The following TMBIM4 variants were observed in gnomAD, a reference collection of about 807,000 sequenced individuals.
The protein encoded by TMBIM4 is protein lifeguard 4.
In TMBIM4, 28 loss-of-function variants were observed where a neutral mutation model predicts 27.7. The observed-to-expected ratio is 1.01, with a 90% CI of 0.75 to 1.38. The LOEUF is 1.38. TMBIM4 is among the 40% of genes most tolerant of loss of function. TMBIM4 has a pLI of 0.00. For missense variants in TMBIM4, 265 were observed against 277.5 expected, an observed-to-expected ratio of 0.95 and a Z score of 0.32; for synonymous variants, 115 against 113.1, an observed-to-expected ratio of 1.02 and a Z score of -0.11.
chr12:66,169,230 A>G, intron 1 of TMBIM4: 2 of 697,092 alleles, frequency 2.9e-6, no homozygotes, highest in Non-Finnish European at 5.2e-6. Flanking sequence ...AGCATTTTAA[A>G]TTCAAAAATT....
At chr12:66,151,439 A>G (rs1389539519) in intron 3 of TMBIM4, among the ~76,000 whole-genome samples, 1 of 151,936 alleles carries the variant, frequency 6.6e-6, no homozygotes, top group African/African-American at 2.4e-5. Context: ...GGGTCTCACT[A>G]TGTTGCCCAG....
intron 1 of TMBIM4, chr12:66,160,229 G>C (rs1355279363): frequency 1.4e-6 from 1 of 703,340 alleles, no homozygotes; most frequent in African/African-American, 1.7e-5. Flanking sequence ...GAAAAAATCT[G>C]ATGATATTCA....
Position 66,169,840 on chromosome 12 carries a change from G to C in TMBIM4, c.97+15C>G, listed in dbSNP as rs1468576931. On this transcript the variant is annotated intron_variant, in intron 1 of 6. Coordinates refer to ENST00000358230, the MANE Select transcript of TMBIM4 (RefSeq NM_016056.4). ...AGACAAGCGGCTGGGAGGCACTGGAGAGGGGACAACGTACCCATTCGGATG... is the reference window on the plus strand; with the variant it reads ...AGACAAGCGGCTGGGAGGCACTGGACAGGGGACAACGTACCCATTCGGATG... The C allele has an allele frequency of 1.3e-6, 2 of 1,507,568 alleles. No homozygotes were observed. Among genetic ancestry groups the C allele is most frequent in the African/African-American group, 2.9e-5 (2 of 69,022 alleles). 93.4% of individuals were successfully genotyped at this position (1,507,568 alleles called of 1,614,324 possible). A position where few individuals can be genotyped will look rare whatever the true frequency, so the allele number is the denominator to read the frequency against.
intron 1 of TMBIM4, chr12:66,160,212 C>G (rs994362533): frequency 7.1e-6 from 5 of 703,294 alleles, no homozygotes; most frequent in South Asian, 3.0e-5. Context: ...ACCAGATTGC[C>G]GGAGATGAAA....
intron 1 of TMBIM4, among the ~76,000 whole-genome samples, chr12:66,167,478 C>T (rs2052151366): frequency 6.6e-6 from 1 of 152,072 alleles, no homozygotes; most frequent in Non-Finnish European, 1.5e-5. Flanking sequence ...GTATAAATGC[C>T]CCACACGCAT....
At chr12:66,143,136 C>T (rs1383623540) in intron 5 of TMBIM4, among the ~76,000 whole-genome samples, 2 of 152,148 alleles carry the variant, frequency 1.3e-5, no homozygotes, top group Admixed American at 1.3e-4. Flanking sequence ...GATACTGTAA[C>T]AGGTAAAGAT....
chr12:66,160,276 G>T, intron 1 of TMBIM4: 1 of 702,478 alleles, frequency 1.4e-6, no homozygotes, highest in South Asian at 1.5e-5. Context: ...CTCATATATT[G>T]TTTGCTGAAG....
intron 1 of TMBIM4, among the ~76,000 whole-genome samples, chr12:66,158,118 C>A (rs11176065): frequency 6.7e-6 from 1 of 150,262 alleles, no homozygotes; most frequent in East Asian, 2.0e-4. Flanking sequence ...CCCAGCTACT[C>A]GGGAGGCTGA....
At chr12:66,160,086 C>G (rs894823632) in intron 1 of TMBIM4, 5 of 653,192 alleles carry the variant, frequency 7.7e-6, no homozygotes, top group Non-Finnish European at 1.4e-5. Context: ...ATATCCTCTA[C>G]AACTGCTTTT....
intron 1 of TMBIM4, among the ~76,000 whole-genome samples, chr12:66,168,266 G>A (rs977035184): frequency 1.3e-5 from 2 of 151,054 alleles, no homozygotes; most frequent in African/African-American, 4.8e-5. Flanking sequence ...CAACATGGAT[G>A]TATTTGAAGA....
chr12:66,142,028 G>C (rs751595847), intron 5 of TMBIM4, among the ~76,000 whole-genome samples: 1 of 151,936 alleles, frequency 6.6e-6, no homozygotes, highest in Non-Finnish European at 1.5e-5. Flanking sequence ...ACACATTCTT[G>C]TCTAGTGCAC....
intron 1 of TMBIM4, among the ~76,000 whole-genome samples, chr12:66,159,064 G>C (rs2051993572): frequency 6.6e-6 from 1 of 152,188 alleles, no homozygotes; most frequent in Non-Finnish European, 1.5e-5. Flanking sequence ...CAAATAATTT[G>C]TGACCAGAGG....
At chr12:66,145,714 G>A (rs1325312908) in intron 5 of TMBIM4, 127 bp downstream of exon 5, 1 of 561,858 alleles carries the variant, frequency 1.8e-6, no homozygotes, top group Non-Finnish European at 3.2e-6. Context: ...TACTCAAAGA[G>A]ATGATCTCTT....
intron 1 of TMBIM4, among the ~76,000 whole-genome samples, chr12:66,157,338 G>A (rs1254299562): frequency 2.2e-4 from 33 of 152,116 alleles, no homozygotes; most frequent in Admixed American, 2.2e-3. Context: ...ATAGCCCTGT[G>A]AGTAGCCTGC....
intron 1 of TMBIM4, among the ~76,000 whole-genome samples, chr12:66,163,724 T>TGAGA (rs1371935318): frequency 6.6e-6 from 1 of 152,210 alleles, no homozygotes; most frequent in African/African-American, 2.4e-5. Flanking sequence ...AGACAGAATC[T>TGAGA]GAGAATGTCT....
intron 1 of TMBIM4, among the ~76,000 whole-genome samples, chr12:66,164,933 C>T (rs1251362914): frequency 1.3e-5 from 2 of 151,992 alleles, no homozygotes; most frequent in African/African-American, 4.8e-5. Flanking sequence ...TATACACTAA[C>T]AATGAGAAGG....
Position 66,142,398 on chromosome 12 carries a change from G to A in TMBIM4, c.464+3443C>T, listed in dbSNP as rs576755114. Among the ~76,000 whole-genome samples, 232 of 150,276 alleles carry A rather than the reference G, an allele frequency of 1.5e-3. 1 individual carries two copies. The highest frequency in any genetic ancestry group is 6.8e-3 in the Middle Eastern group (2 of 294). On this transcript the variant is annotated intron_variant, in intron 5 of 6. Coordinates refer to ENST00000358230, the MANE Select transcript of TMBIM4 (RefSeq NM_016056.4). The stretch of plus-strand genomic sequence containing the variant: ...GTGATATTAAGAACTTACAGCATCC[G>A]AGATATTACCCTACTTGCAGGCTAA...
intron 1 of TMBIM4, among the ~76,000 whole-genome samples, chr12:66,164,132 T>C (rs931704428): frequency 6.6e-6 from 1 of 152,158 alleles, no homozygotes; most frequent in Non-Finnish European, 1.5e-5. Flanking sequence ...ACAACCTTCA[T>C]GATAAAAACA....
Position 66,140,281 on chromosome 12 carries a change from A to C in TMBIM4, c.465-1512T>G, listed in dbSNP as rs138474208. Among the ~76,000 whole-genome samples, 79 of 152,344 alleles carry C rather than the reference A, an allele frequency of 5.2e-4. 1 individual carries two copies. The East Asian group carries it at 0.013, about 26-fold the overall frequency. The stretch of plus-strand genomic sequence containing the variant: ...AAAGAATGATCATGAGGAGGAGAGA[A>C]ATGGAAGATACTATTTTTTTTCAAA... On this transcript the variant is annotated intron_variant, in intron 5 of 6. Coordinates refer to ENST00000358230, the MANE Select transcript of TMBIM4 (RefSeq NM_016056.4).
Sources: allele counts gnomAD v4.1 joint callset (sites outside exome capture counted in the v4.1 genomes callset), GRCh38; gene constraint gnomAD v4.1.1; transcripts MANE v1.5; gene names NCBI Gene and HGNC (gene_info 2026-07-23, HGNC 2026-07-21).